The following REPS2 variants were observed in gnomAD, a reference collection of about 807,000 sequenced individuals.
The protein encoded by REPS2 is ralBP1-associated Eps domain-containing protein 2.
In REPS2, 23 loss-of-function variants were observed where a neutral mutation model predicts 53.6. The ratio of observed to expected loss-of-function variants is 0.43; its 90% CI spans 0.31 to 0.61. The LOEUF (loss-of-function observed/expected upper bound fraction) is 0.61. Ranked by LOEUF, REPS2 falls within the 20% of genes least tolerant of loss-of-function variation. The pLI, the probability that REPS2 is intolerant of heterozygous loss-of-function variation, is 0.11. For missense variants in REPS2, 446 were observed against 534.9 expected, an observed-to-expected ratio of 0.83 and a Z score of 1.64; for synonymous variants, 238 against 218.6, an observed-to-expected ratio of 1.09 and a Z score of -0.78.
intron 1 of REPS2, among the ~76,000 whole-genome samples, chrX:17,003,278 A>G (rs1602645374): frequency 8.9e-6 from 1 of 112,039 alleles, no homozygotes; most frequent in African/African-American, 3.2e-5. Context: ...CTACAGTTTC[A>G]AAGATAAGGT....
chrX:16,964,039 A>T (rs770828821), intron 1 of REPS2, among the ~76,000 whole-genome samples: 14 of 108,104 alleles, frequency 1.3e-4, no homozygotes, highest in African/African-American at 4.7e-4. Flanking sequence ...TATTATTATT[A>T]TTATTTTTTA....
chrX:17,192,220 G>A, the REPS2 span, among the ~76,000 whole-genome samples: 1 of 112,429 alleles, frequency 8.9e-6, no homozygotes, highest in Non-Finnish European at 1.9e-5. Context: ...ACGCATGAGC[G>A]TGCATGTGTG....
chrX:17,017,360 A>G (rs920387413), intron 2 of REPS2, among the ~76,000 whole-genome samples: 1 of 112,213 alleles, frequency 8.9e-6, no homozygotes, highest in Admixed American at 9.5e-5. Flanking sequence ...ACAGACAAAA[A>G]GGTCGTAAAA....
At chrX:17,115,018 G>A (rs2063027592) in intron 14 of REPS2, among the ~76,000 whole-genome samples, 1 of 112,088 alleles carries the variant, frequency 8.9e-6, no homozygotes, top group African/African-American at 3.2e-5. Context: ...TTCTGAAGGG[G>A]TGGGTTGCCC....
At chrX:17,146,567 C>T (rs2063517841) in intron 17 of REPS2, among the ~76,000 whole-genome samples, 2 of 111,980 alleles carry the variant, frequency 1.8e-5, no homozygotes, top group Non-Finnish European at 3.8e-5. Flanking sequence ...AGCCCTATTG[C>T]TCTGATCTGG....
intron 13 of REPS2, among the ~76,000 whole-genome samples, chrX:17,087,598 C>T (rs1368735235): frequency 9.0e-6 from 1 of 111,682 alleles, no homozygotes; most frequent in Non-Finnish European, 1.9e-5. Flanking sequence ...TTTGAAATGT[C>T]GAAGGTTTAG....
chrX:17,087,014 A>G (rs1173732968), intron 13 of REPS2, among the ~76,000 whole-genome samples: 1 of 112,140 alleles, frequency 8.9e-6, no homozygotes, highest in Non-Finnish European at 1.9e-5. Flanking sequence ...GGTGGTTGCT[A>G]ACTAGAATGA....
In REPS2 at chrX:17,054,931, G is replaced by A; in HGVS notation, c.1095G>A (p.Gln365=). The change falls in exon 8 of 18, where the codon CAG becomes CAA. Residue 365 remains glutamine, a synonymous_variant. Transcript: ENST00000357277. ...PLPEGLPPTL[Q]PEYLQAAFPK... ...CTGAGGGCCTCCCTCCAACTCTGCA[G>A]CCAGAATACCTGCAGGCAGGTAAGG... The A allele has an allele frequency of 1.7e-6, 2 of 1,211,512 alleles. No individual in the cohort carries two copies. The highest frequency in any genetic ancestry group is 2.2e-6 in the Non-Finnish European group (2 of 895,369).
intron 11 of REPS2, among the ~76,000 whole-genome samples, chrX:17,070,488 C>T (rs1382395530): frequency 8.9e-6 from 1 of 111,780 alleles, no homozygotes; most frequent in African/African-American, 3.3e-5. Flanking sequence ...AAAAGTTGTC[C>T]AGTTTTTTGG....
intron 1 of REPS2, among the ~76,000 whole-genome samples, chrX:16,987,237 C>T (rs1181421021): frequency 9.0e-6 from 1 of 110,611 alleles, no homozygotes; most frequent in African/African-American, 3.3e-5. Context: ...GCCTGGCTGT[C>T]TTATAAATAC....
chrX:16,975,228 A>T lies in REPS2; in HGVS notation c.273+28094A>T, dbSNP rs754985567. On this transcript the variant is annotated intron_variant, in intron 1 of 17. Transcript: ENST00000357277. ...ATGATTTATATTCCTTTGGGTCTATACCCAGTAATGGGGTTGCTGGGTCGA... is the reference window on the plus strand; with the variant it reads ...ATGATTTATATTCCTTTGGGTCTATTCCCAGTAATGGGGTTGCTGGGTCGA... 3.6e-5 allele frequency among the ~76,000 whole-genome samples: 4 copies of T among 112,143 alleles called. No individual in the cohort carries two copies. The South Asian group carries it at 1.1e-3, about 31-fold the overall frequency.
chrX:17,013,636 G>A (rs1191455356), intron 2 of REPS2, among the ~76,000 whole-genome samples: 1 of 104,008 alleles, frequency 9.6e-6, no homozygotes, highest in Non-Finnish European at 2.0e-5. Flanking sequence ...GTGTGTGTGT[G>A]TGTGTGTGTG....
At chrX:17,025,264 G>C in intron 4 of REPS2, 79 bp downstream of exon 4, 1 of 992,127 alleles carries the variant, frequency 1.0e-6, no homozygotes, top group Non-Finnish European at 1.3e-6. Flanking sequence ...AACGCTTCAA[G>C]CTGCTTAATT....
At chrX:17,099,907 T>A in intron 13 of REPS2, 1 of 1,004,658 alleles carries the variant, frequency 1.0e-6, no homozygotes, top group Non-Finnish European at 1.4e-6. Context: ...TCAGAATTTT[T>A]CCCTTTCATC....
intron 1 of REPS2, among the ~76,000 whole-genome samples, chrX:16,981,352 A>T (rs2061017267): frequency 1.8e-5 from 2 of 112,188 alleles, no homozygotes; most frequent in Non-Finnish European, 3.7e-5. Context: ...AACACAAGCA[A>T]AATGACTGCA....
the REPS2 span, among the ~76,000 whole-genome samples, chrX:17,158,983 C>G: frequency 8.9e-6 from 1 of 112,328 alleles, no homozygotes; most frequent in African/African-American, 3.2e-5. Context: ...CCTTAGATGG[C>G]AGAACGGCTG....
chrX:17,099,738 C>T, intron 13 of REPS2: 1 of 519,368 alleles, frequency 1.9e-6, no homozygotes. Context: ...CACCTGAAAC[C>T]CACAGTCAGA....
At chrX:17,068,287 CT>C (rs1311028711) in intron 9 of REPS2, 114 bp from the exon 10 acceptor site, 1 of 434,321 alleles carries the variant, frequency 2.3e-6, no homozygotes, top group Non-Finnish European at 3.9e-6. Context: ...GCACTCCAGC[CT>C]GGGCGACAGT....
At chrX:16,965,892 G>A (rs968539207) in intron 1 of REPS2, among the ~76,000 whole-genome samples, 2 of 112,771 alleles carry the variant, frequency 1.8e-5, no homozygotes, top group Middle Eastern at 4.6e-3. Context: ...CGGGTCACTC[G>A]CGGTTAGGAG....
Sources: allele counts gnomAD v4.1 joint callset (sites outside exome capture counted in the v4.1 genomes callset), GRCh38; gene constraint gnomAD v4.1.1; transcripts MANE v1.5; gene names NCBI Gene and HGNC (gene_info 2026-07-23, HGNC 2026-07-21).